Variants in CSMD1 observed in about 807,000 individuals in gnomAD.
CSMD1 encodes the protein CUB and Sushi multiple domains 1.
A neutral mutation model predicts 417.5 loss-of-function variants in CSMD1; 213 were observed. That is an observed-to-expected ratio of 0.51 (90% CI 0.46 to 0.57). The LOEUF is 0.57. Ranked by LOEUF, CSMD1 falls within the 20% of genes least tolerant of loss-of-function variation. The pLI is 0.00. For synonymous variants in CSMD1, 2,862 were observed against 1,736.8 expected (o/e 1.65, Z -16.11); for missense variants, 6,923 against 4,529.7 (o/e 1.53, Z -15.17).
At chr8:3,025,030 G>A (rs966047847) in intron 51 of CSMD1, among the ~76,000 whole-genome samples, 10 of 150,502 alleles carry the variant, frequency 6.6e-5, no homozygotes, top group Non-Finnish European at 1.2e-4. Context: ...ATTGTGCGGT[G>A]TTATTCTGAA....
intron 1 of CSMD1, among the ~76,000 whole-genome samples, chr8:4,730,903 G>A (rs796759279): frequency 4.3e-4 from 55 of 127,218 alleles, no homozygotes; most frequent in African/African-American, 1.3e-3. Context: ...TGACTAAACC[G>A]TGCTTTGTTT....
Position 2,940,763 on chromosome 8 carries a change from A to G in CSMD1, c.10535+1709T>C, listed in dbSNP as rs77880592. On this transcript the variant is annotated intron_variant, in intron 69 of 69. Coordinates refer to ENST00000635120, the MANE Select transcript of CSMD1 (RefSeq NM_033225.6). ...AAGGACAAGACAATCCCAGTCTTAT[A>G]TGAAGGTTTGCATCTTTGCAGGCAA... Among the ~76,000 whole-genome samples, 1,194 of 152,330 alleles carry G rather than the reference A, an allele frequency of 7.8e-3. 14 individuals are homozygous for G. Among genetic ancestry groups the G allele is most frequent in the African/African-American group, 0.027 (1,142 of 41,582 alleles).
chr8:4,268,027 G>A (rs780271677), intron 3 of CSMD1, among the ~76,000 whole-genome samples: 3 of 151,982 alleles, frequency 2.0e-5, no homozygotes, highest in African/African-American at 4.8e-5. Context: ...ACATATATAC[G>A]AGGTCATTCT....
intron 54 of CSMD1, among the ~76,000 whole-genome samples, chr8:2,981,785 A>G (rs942196924): frequency 1.3e-5 from 2 of 152,206 alleles, no homozygotes; most frequent in Admixed American, 1.3e-4. Flanking sequence ...TACCGGGATC[A>G]ATAACAGGTC....
intron 33 of CSMD1, among the ~76,000 whole-genome samples, chr8:3,190,813 C>G (rs1796374892): frequency 6.6e-6 from 1 of 152,314 alleles, no homozygotes; most frequent in South Asian, 2.1e-4. Flanking sequence ...TGTAATAACA[C>G]GGATGAACCT....
Position 4,397,699 on chromosome 8 carries a change from G to C in CSMD1, c.415+22254C>G, listed in dbSNP as rs548989259. Reference sequence around the variant, plus strand: ...AAGATGAAGAAATAGATATTAATAAGATTTCAAATTAACTAGATTTGAATC... The same window carrying C: ...AAGATGAAGAAATAGATATTAATAACATTTCAAATTAACTAGATTTGAATC... On this transcript the variant is annotated intron_variant, in intron 3 of 69. Transcript: ENST00000635120. Among the ~76,000 whole-genome samples, 4 of 151,900 alleles carry C rather than the reference G, an allele frequency of 2.6e-5. No individual in the cohort carries two copies. The East Asian group carries it at 5.8e-4, about 22-fold the overall frequency.
chr8:3,338,891 T>G (rs1807454507), intron 23 of CSMD1, among the ~76,000 whole-genome samples: 1 of 151,812 alleles, frequency 6.6e-6, no homozygotes, highest in Non-Finnish European at 1.5e-5. Context: ...TTGTGCAGGT[T>G]AGTTACATAT....
At chr8:3,308,690 T>A (rs553171822) in intron 23 of CSMD1, among the ~76,000 whole-genome samples, 187 bp from the exon 24 acceptor site, 6 of 151,694 alleles carry the variant, frequency 4.0e-5, no homozygotes, top group African/African-American at 1.5e-4. Context: ...ATTTGTGATT[T>A]CTTGAAGTTC....
At chr8:3,455,846 A>T (rs10112195) in intron 12 of CSMD1, among the ~76,000 whole-genome samples, 2 of 152,196 alleles carry the variant, frequency 1.3e-5, no homozygotes, top group African/African-American at 4.8e-5. Context: ...GATGTCAGAC[A>T]GGGACATTTA....
intron 1 of CSMD1, among the ~76,000 whole-genome samples, chr8:4,837,769 T>G (rs1336478055): frequency 6.6e-6 from 1 of 152,168 alleles, no homozygotes; most frequent in Non-Finnish European, 1.5e-5. Flanking sequence ...ACATTGTTTG[T>G]AACTCAAAGG....
chr8:3,308,511 AGAGAAAGGCAAG>A lies in CSMD1; in HGVS notation c.3632-20_3632-9del, dbSNP rs778705576. 8 of 1,605,266 alleles carry A rather than the reference AGAGAAAGGCAAG, an allele frequency of 5.0e-6. No homozygotes were observed. The Admixed American group carries it at 1.3e-4, about 27-fold the overall frequency. ...ATTTTACCAGATCAAAACCTGCAAGAGAGAAAGGCAAGGAATGAACAGAACTCAAGGGTGGAC... is the reference window on the plus strand; with the variant it reads ...ATTTTACCAGATCAAAACCTGCAAGAGAATGAACAGAACTCAAGGGTGGAC... On this transcript the variant is annotated splice_polypyrimidine_tract_variant and intron_variant, in intron 23 of 69. Coordinates refer to ENST00000635120, the MANE Select transcript of CSMD1 (RefSeq NM_033225.6).
intron 55 of CSMD1, among the ~76,000 whole-genome samples, chr8:2,977,214 G>A (rs184771095): frequency 6.6e-6 from 1 of 152,104 alleles, no homozygotes; most frequent in East Asian, 1.9e-4. Flanking sequence ...CCATCACCTA[G>A]GTACCAAGCC....
intron 17 of CSMD1, among the ~76,000 whole-genome samples, chr8:3,395,190 T>C (rs929177687): frequency 3.3e-5 from 5 of 152,186 alleles, no homozygotes; most frequent in Non-Finnish European, 7.3e-5. Flanking sequence ...TGTGGGTATA[T>C]GTAAATTTTA....
intron 3 of CSMD1, among the ~76,000 whole-genome samples, chr8:4,373,423 G>C (rs919179004): frequency 2.0e-5 from 3 of 152,172 alleles, no homozygotes; most frequent in African/African-American, 4.8e-5. Context: ...AGAGGAGACA[G>C]AGTGTGGAGT....
intron 53 of CSMD1, among the ~76,000 whole-genome samples, chr8:2,998,817 C>A (rs1807141185): frequency 1.3e-5 from 2 of 152,308 alleles, no homozygotes; most frequent in African/African-American, 2.4e-5. Context: ...ACCCTTTCAA[C>A]AGAAACACAC....
At chr8:3,503,948 T>C (rs909023572) in intron 10 of CSMD1, among the ~76,000 whole-genome samples, 12 of 151,712 alleles carry the variant, frequency 7.9e-5, no homozygotes, top group African/African-American at 2.7e-4. Flanking sequence ...AGGCGGGGGT[T>C]AGGGCGTGGA....
chr8:4,415,765 G>A (rs554203250), intron 3 of CSMD1, among the ~76,000 whole-genome samples: 1 of 152,290 alleles, frequency 6.6e-6, no homozygotes, highest in South Asian at 2.1e-4. Flanking sequence ...GCACGTATAA[G>A]TATGGATAGC....
chr8:4,210,152 G>T (rs1481608717), intron 3 of CSMD1, among the ~76,000 whole-genome samples: 2 of 152,152 alleles, frequency 1.3e-5, no homozygotes, highest in Non-Finnish European at 2.9e-5. Context: ...CTGTCACTGT[G>T]TGTCAAATCT....
At chr8:3,438,836 C>T (rs549821849) in intron 12 of CSMD1, among the ~76,000 whole-genome samples, 1 of 151,988 alleles carries the variant, frequency 6.6e-6, no homozygotes, top group African/African-American at 2.4e-5. Flanking sequence ...AAATTGCTGG[C>T]CAGGTGTGGT....
Sources: gnomAD v4.1 joint callset for allele counts (sites outside exome capture counted in the v4.1 genomes callset) on GRCh38, gnomAD v4.1.1 for gene constraint, MANE v1.5 for transcripts, NCBI Gene and HGNC (gene_info 2026-07-23, HGNC 2026-07-21) for gene names.